The following ADRA1A variants were observed in gnomAD, a reference collection of about 807,000 sequenced individuals.
ADRA1A encodes adrenoceptor alpha 1A.
ADRA1A carries 31 observed loss-of-function variants against 29.6 expected under a neutral mutation model. The ratio of observed to expected loss-of-function variants is 1.05; its 90% CI spans 0.79 to 1.41. The LOEUF (loss-of-function observed/expected upper bound fraction) is 1.41, where lower values mean the gene tolerates loss of function less well. Among genes scored for constraint, ADRA1A ranks in the 40% most tolerant of loss-of-function variants. The pLI is 0.00. For synonymous variants in ADRA1A, 311 were observed against 254.3 expected (o/e 1.22, Z -2.12); for missense variants, 619 against 601.1 (o/e 1.03, Z -0.31).
chr8:26,861,253 G>C (rs549634448), intron 2 of ADRA1A, among the ~76,000 whole-genome samples: 49 of 147,654 alleles, frequency 3.3e-4, no homozygotes, highest in Non-Finnish European at 5.8e-4. Flanking sequence ...TTGCAATCTT[G>C]TTTGCTGGCT....
At chr8:26,833,603 A>T (rs1020457165) in intron 2 of ADRA1A, among the ~76,000 whole-genome samples, 8 of 152,362 alleles carry the variant, frequency 5.3e-5, no homozygotes, top group Admixed American at 5.2e-4. Flanking sequence ...GCTGTAAAAC[A>T]TGTAGGAACC....
rs979068534 is a variant in ADRA1A at position 26,805,410 on chromosome 8, G to A, written c.884-34744C>T. The stretch of plus-strand genomic sequence containing the variant: ...ATGAAGCAAATCACTTGTCTACTAC[G>A]CTACAACATTGTCTTAGAGAAGGGA... On this transcript the variant is annotated intron_variant, in intron 2 of 2. Transcript: ENST00000380573. This position sits in a 1 kb window ranked among gnomAD's most constrained non-coding sequence, Gnocchi z 4.8. Among the ~76,000 whole-genome samples, 6 of 152,228 alleles carry A rather than the reference G, an allele frequency of 3.9e-5. No homozygotes were observed. Among genetic ancestry groups the A allele is most frequent in the Admixed American group, 6.5e-5 (1 of 15,298 alleles).
chr8:26,761,114 A>G (rs577035676), downstream of ADRA1A, among the ~76,000 whole-genome samples: 26 of 152,380 alleles, frequency 1.7e-4, no homozygotes, highest in Admixed American at 5.9e-4. Context: ...CAGAACTTAT[A>G]TAAGTACAGT....
chr8:26,847,049 T>A (rs1212848710), intron 2 of ADRA1A, among the ~76,000 whole-genome samples: 2 of 151,850 alleles, frequency 1.3e-5, no homozygotes, highest in Non-Finnish European at 2.9e-5. Flanking sequence ...AAGGGGAACA[T>A]CACACTCTGG....
rs1311230546 is a variant in ADRA1A at position 26,756,555 on chromosome 8, T to C, written c.*204A>G. On this transcript the variant is annotated 3_prime_UTR_variant, in exon 3 of 3. Coordinates refer to the ADRA1A transcript ENST00000380582. ...TTCATGATCATTCCTTAAGTTACTGTTTTTCCTGTATCAGTAACAGTAACA... is the reference window on the plus strand; with the variant it reads ...TTCATGATCATTCCTTAAGTTACTGCTTTTCCTGTATCAGTAACAGTAACA... 2.6e-6 allele frequency: 4 copies of C among 1,545,788 alleles called. No individual in the cohort carries two copies. In the East Asian group the frequency reaches 9.8e-5, roughly 38 times the overall value.
downstream of ADRA1A, among the ~76,000 whole-genome samples, chr8:26,763,029 A>G (rs1285413207): frequency 2.6e-5 from 4 of 152,128 alleles, no homozygotes; most frequent in Non-Finnish European, 5.9e-5. This position sits in a 1 kb window ranked among gnomAD's most constrained non-coding sequence, Gnocchi z 4.5. Context: ...CAGTTAGTCA[A>G]AGGAAAAGGA....
At chr8:26,753,273 G>A (rs1365747001), downstream of ADRA1A, among the ~76,000 whole-genome samples, 15 of 151,992 alleles carry the variant, frequency 9.9e-5, no homozygotes, top group Admixed American at 9.8e-4. Flanking sequence ...GTCCTGTCTT[G>A]AACACATCCA....
rs140841488 is a variant in ADRA1A at position 26,794,686 on chromosome 8, A to G, written c.884-24020T>C. Among the ~76,000 whole-genome samples the G allele has an allele frequency of 3.5e-3, 534 of 152,218 alleles. 1 individual carries two copies. Among genetic ancestry groups the G allele is most frequent in the Middle Eastern group, 6.8e-3 (2 of 294 alleles). ...AAAATTGTATTTAATTCATGTGGCCATACCAAAAAAAAGGAGGCAGGTTGG... is the reference window on the plus strand; with the variant it reads ...AAAATTGTATTTAATTCATGTGGCCGTACCAAAAAAAAGGAGGCAGGTTGG... On this transcript the variant is annotated intron_variant, in intron 2 of 2. Coordinates refer to ENST00000380573, the MANE Select transcript of ADRA1A (RefSeq NM_000680.4).
rs1472289856 is a variant in ADRA1A at position 26,864,006 on chromosome 8, C to T, written c.883+81G>A. ...AAATGCTAATCCTTCCTCTTCCATC[C>T]CGGACTGGGAGTCTGGGGTAACAGA... is the stretch of plus-strand genomic sequence containing the variant. On this transcript the variant is annotated intron_variant, in intron 2 of 2. Coordinates refer to ENST00000380573, the MANE Select transcript of ADRA1A (RefSeq NM_000680.4). The surrounding 1 kb of genome is among the most constrained non-coding windows in gnomAD (Gnocchi z 8.1). 7.0e-7 allele frequency: 1 copy of T among 1,433,978 alleles called. No individual in the cohort carries two copies. The highest frequency in any genetic ancestry group is 2.3e-5 in the East Asian group (1 of 43,658). 88.8% of individuals were successfully genotyped at this position (1,433,978 alleles called of 1,614,324 possible). A position where few individuals can be genotyped will look rare whatever the true frequency, so the allele number is the denominator to read the frequency against.
intron 2 of ADRA1A, among the ~76,000 whole-genome samples, chr8:26,812,471 G>C (rs1809460425): frequency 6.6e-6 from 1 of 151,998 alleles, no homozygotes; most frequent in African/African-American, 2.4e-5. Context: ...ACAGGAAACA[G>C]GGATCTATCT....
At chr8:26,766,269 G>T, downstream of ADRA1A, 1 of 739,966 alleles carries the variant, frequency 1.4e-6, no homozygotes. Context: ...ACTGTGGTTG[G>T]TCATCAATAA....
intron 2 of ADRA1A, among the ~76,000 whole-genome samples, chr8:26,802,915 G>C (rs142838577): frequency 6.6e-6 from 1 of 152,080 alleles, no homozygotes; most frequent in Non-Finnish European, 1.5e-5. Context: ...AGGTTCTGTC[G>C]TTTGCAACAA....
intron 2 of ADRA1A, among the ~76,000 whole-genome samples, chr8:26,784,003 A>C: frequency 6.6e-6 from 1 of 152,004 alleles, no homozygotes; most frequent in South Asian, 2.1e-4. Context: ...TGGGGGGAAC[A>C]ACATACACTG....
rs1201398951 is a variant in ADRA1A at position 26,865,250 on chromosome 8, G to A, written c.-281C>T. ...TCCACCTGCCGGGCTGGCCTAGCCC[G>A]GGACCCGGACTCCCTCCCTACCCGA... On this transcript the variant is annotated 5_prime_UTR_variant, in exon 2 of 3. Coordinates refer to ENST00000380573, the MANE Select transcript of ADRA1A (RefSeq NM_000680.4). The surrounding 1 kb of genome is among the most constrained non-coding windows in gnomAD (Gnocchi z 7.6). 7.8e-7 allele frequency: 1 copy of A among 1,287,522 alleles called. No individual in the cohort carries two copies. Among genetic ancestry groups the A allele is most frequent in the Non-Finnish European group, 9.8e-7 (1 of 1,017,020 alleles). The allele number at this position is 1,287,522 out of a possible 1,614,324, so 79.8% of individuals were successfully genotyped here.
At position 26,864,196 on chromosome 8, in the gene ADRA1A, T is replaced by G. The variant is rs1047354930; in HGVS notation, c.774A>C (p.Ser258=). The change falls in exon 2 of 3, where the codon TCA becomes TCC. Residue 258 remains serine, a synonymous_variant. Transcript: ENST00000380573. This position sits in a 1 kb window ranked among gnomAD's most constrained non-coding sequence, Gnocchi z 8.1. ...MASAKTKTHF[S]VRLLKFSREK... ...CCCGGGAGAACTTGAGGAGCCTCAC[T>G]GAGAAGTGCGTCTTGGTCTTGGCGC... The G allele has an allele frequency of 2.5e-6, 4 of 1,614,012 alleles. No homozygotes were observed. Among genetic ancestry groups the G allele is most frequent in the African/African-American group, 2.7e-5 (2 of 74,936 alleles).
At position 26,864,970 on chromosome 8, in the gene ADRA1A, G is replaced by A. The variant is rs1163810974; in HGVS notation, c.-1C>T. 1 of 1,593,058 alleles carries A rather than the reference G, an allele frequency of 6.3e-7. No homozygotes were observed. Among genetic ancestry groups the A allele is most frequent in the South Asian group, 1.1e-5 (1 of 88,650 alleles). On this transcript the variant is annotated 5_prime_UTR_variant, in exon 2 of 3. Transcript: ENST00000380573. The surrounding 1 kb of genome is among the most constrained non-coding windows in gnomAD (Gnocchi z 8.1). ...AAGCATTTCCCGAGAGAAACACCAT[G>A]GTCCCAGCCGGGGCCGGGCGAGGTC... is the stretch of plus-strand genomic sequence containing the variant.
intron 2 of ADRA1A, among the ~76,000 whole-genome samples, chr8:26,781,999 A>C (rs1807019528): frequency 6.6e-6 from 1 of 152,214 alleles, no homozygotes; most frequent in South Asian, 2.1e-4. Flanking sequence ...AAAGATGCTT[A>C]ATCTGAGTGC....
At chr8:26,809,153 A>G (rs183721142) in intron 2 of ADRA1A, among the ~76,000 whole-genome samples, 18 of 152,286 alleles carry the variant, frequency 1.2e-4, no homozygotes, top group Admixed American at 8.5e-4. Flanking sequence ...GGCATTTCCA[A>G]TCTTATCTCC....
chr8:26,854,508 T>C (rs1812880575), intron 2 of ADRA1A: 2 of 151,180 alleles, frequency 1.3e-5, no homozygotes, highest in South Asian at 4.2e-4. Context: ...ACCATACCTG[T>C]TAATGTGGCA....
Sources: allele counts gnomAD v4.1 joint callset (sites outside exome capture counted in the v4.1 genomes callset), GRCh38; gene constraint gnomAD v4.1.1; non-coding constraint Gnocchi (gnomAD v3.1); transcripts MANE v1.5; gene names NCBI Gene and HGNC (gene_info 2026-07-23, HGNC 2026-07-21).